The following DUSP18 variants were observed in gnomAD, a reference collection of about 807,000 sequenced individuals.
DUSP18 encodes dual specificity phosphatase 18, also known as dual specificity protein phosphatase 18.
Under a neutral mutation model 6.3 loss-of-function variants are expected in DUSP18, and 4 were observed. That is an observed-to-expected ratio of 0.63 (90% CI 0.31 to 1.45). The LOEUF is 1.45. DUSP18 is among the 40% of genes most tolerant of loss of function. The pLI is 0.07. For synonymous variants in DUSP18, 96 were observed against 95.1 expected (o/e 1.01, Z -0.05); for missense variants, 235 against 247.7 (o/e 0.95, Z 0.34).
intron 2 of DUSP18, among the ~76,000 whole-genome samples, chr22:30,655,441 A>T (rs1355449281): frequency 6.6e-6 from 1 of 151,510 alleles, no homozygotes; most frequent in Admixed American, 6.6e-5. Context: ...AAAAAAAAAA[A>T]AAAAAAAGAA....
intron 2 of DUSP18, chr22:30,654,249 G>C: frequency 2.5e-6 from 1 of 399,830 alleles, no homozygotes. Flanking sequence ...CTCCCAAAGT[G>C]CTAGGATTAC....
intron 2 of DUSP18, chr22:30,653,903 G>C (rs2088276803): frequency 1.2e-5 from 2 of 166,980 alleles, no homozygotes; most frequent in Non-Finnish European, 2.6e-5. Context: ...TGGGTCTTGA[G>C]GACACCCCAG....
At chr22:30,664,103 T>C in intron 1 of DUSP18, 23 bp from the exon 2 acceptor site, 1 of 1,111,492 alleles carries the variant, frequency 9.0e-7, no homozygotes, top group Non-Finnish European at 1.3e-6. Context: ...AGAGGATGTT[T>C]AGAGGGCAGG....
At chr22:30,659,621 C>T (rs557655316), downstream of DUSP18, among the ~76,000 whole-genome samples, 1 of 152,274 alleles carries the variant, frequency 6.6e-6, no homozygotes, top group African/African-American at 2.4e-5. Context: ...ATCCACCAGC[C>T]TCAACCTCCC....
At position 30,667,745 on chromosome 22, in the gene DUSP18, C is replaced by A. The variant is rs536771105; in HGVS notation, c.-361G>T. 6.5e-6 allele frequency: 1 copy of A among 152,994 alleles called. No homozygotes were observed. The highest frequency in any genetic ancestry group is 2.4e-5 in the African/African-American group (1 of 41,576). 9.5% of individuals were successfully genotyped at this position (152,994 alleles called of 1,614,324 possible). A position where few individuals can be genotyped will look rare whatever the true frequency, so the allele number is the denominator to read the frequency against. On this transcript the variant is annotated 5_prime_UTR_variant, in exon 1 of 2. Coordinates refer to ENST00000334679, the MANE Select transcript of DUSP18 (RefSeq NM_152511.5). ...GCCGGGGTCACTGCAGTCCCCGTGG[C>A]GAAGCAGGGTCAGCTCAGCTCACCG...
chr22:30,654,781 G>A, intron 2 of DUSP18: 2 of 215,924 alleles, frequency 9.3e-6, no homozygotes, highest in Non-Finnish European at 1.9e-5. Context: ...AGATAGCTTT[G>A]ACCATTGAGC....
chr22:30,659,944 A>C (rs1162773528), downstream of DUSP18, among the ~76,000 whole-genome samples: 1 of 152,174 alleles, frequency 6.6e-6, no homozygotes, highest in East Asian at 1.9e-4. Context: ...CACACGTAGA[A>C]AGCACCAGAA....
rs910031268 is a variant in DUSP18, at chr22:30,652,412, T to C, written c.*34-115A>G. 8.1e-4 allele frequency: 124 copies of C among 152,288 alleles called. 1 individual carries two copies. Among genetic ancestry groups the C allele is most frequent in the African/African-American group, 2.9e-3 (121 of 41,544 alleles). The allele number at this position is 152,288 out of a possible 1,614,324, so 9.4% of individuals were successfully genotyped here. A position where few individuals can be genotyped will look rare whatever the true frequency, so the allele number is the denominator to read the frequency against. ...TTTCTAATCTTGTGGCTAATGTTAG[T>C]CCTATATAGGCAATCTAGTCCCTAG... On this transcript the variant is annotated intron_variant, in intron 2 of 2. Transcript: ENST00000404885.
chr22:30,656,731 C>A (rs2088345559), downstream of DUSP18, among the ~76,000 whole-genome samples: 1 of 152,212 alleles, frequency 6.6e-6, no homozygotes. Flanking sequence ...CGTGGACCCT[C>A]TCAAAAGCCC....
In DUSP18 at chr22:30,663,511, G is replaced by A. The variant is rs142746950; in HGVS notation, c.493C>T (p.His165Tyr). 8.5e-5 allele frequency: 138 copies of A among 1,614,076 alleles called. No homozygotes were observed. Among genetic ancestry groups the A allele is most frequent in the Non-Finnish European group, 1.2e-4 (136 of 1,180,054 alleles). Residue 165 changes from histidine (H) to tyrosine (Y), a missense_variant, in exon 2 of 2, where the codon CAC (histidine) becomes TAC (tyrosine). Transcript: ENST00000334679. Reference sequence around the variant, plus strand: ...ATTCCCACTGGGGAACTGACCATGTGCACAGTGTTCTTGCCAAACAATTGG... The same window carrying A: ...ATTCCCACTGGGGAACTGACCATGTACACAGTGTTCTTGCCAAACAATTGG... ...EFQLFGKNTV[H>Y]MVSSPVGMIP... is the part of the protein sequence containing the mutation.
At chr22:30,654,289 A>C (rs917902489) in intron 2 of DUSP18, 12 of 452,580 alleles carry the variant, frequency 2.7e-5, no homozygotes, top group Non-Finnish European at 4.8e-5. Context: ...CGGCCATCCC[A>C]TGAGCTGTTT....
chr22:30,654,063 T>C (rs1343543107), intron 2 of DUSP18: 4 of 170,968 alleles, frequency 2.3e-5, no homozygotes, highest in Non-Finnish European at 4.9e-5. Flanking sequence ...CACTGCAAGC[T>C]CCGCCCCACG....
chr22:30,661,123 G>T (rs967082149), downstream of DUSP18, among the ~76,000 whole-genome samples: 10 of 152,076 alleles, frequency 6.6e-5, no homozygotes, highest in South Asian at 2.1e-4. Flanking sequence ...TTACAGGCAT[G>T]AGCCACCACG....
chr22:30,654,539 C>T (rs1158348037), intron 2 of DUSP18: 9 of 437,116 alleles, frequency 2.1e-5, no homozygotes, highest in East Asian at 1.4e-4. Context: ...TCCTTGGTCT[C>T]GCGGGGCAGC....
In DUSP18 at chr22:30,666,804, T is replaced by C. The variant is rs560401308; in HGVS notation, c.-78+658A>G. The C allele has an allele frequency of 4.6e-5, 7 of 152,206 alleles. No homozygotes were observed. In the East Asian group the frequency reaches 1.4e-3, roughly 29 times the overall value. 9.4% of individuals were successfully genotyped at this position (152,206 alleles called of 1,614,324 possible). A position where few individuals can be genotyped will look rare whatever the true frequency, so the allele number is the denominator to read the frequency against. On this transcript the variant is annotated intron_variant, in intron 1 of 1. Coordinates refer to ENST00000334679, the MANE Select transcript of DUSP18 (RefSeq NM_152511.5). The stretch of plus-strand genomic sequence containing the variant: ...AGCTTGAAAATAGGATAACAGTACC[T>C]ACCTTAAAAGGATGTTGTGAAATTA...
chr22:30,657,184 C>T (rs1388554890), downstream of DUSP18, among the ~76,000 whole-genome samples: 2 of 152,078 alleles, frequency 1.3e-5, no homozygotes, highest in Admixed American at 6.6e-5. Flanking sequence ...CCTGTAATCC[C>T]AGCACTTTGG....
downstream of DUSP18, chr22:30,661,444 C>CTTTTTTTTTT (rs56242112): frequency 1.0e-4 from 14 of 136,472 alleles, no homozygotes; most frequent in East Asian, 2.1e-4. Flanking sequence ...TTTTCTTTTT[C>CTTTTTTTTTT]TTTTTTTTTT....
downstream of DUSP18, among the ~76,000 whole-genome samples, chr22:30,658,916 G>A (rs950620778): frequency 4.5e-4 from 69 of 151,986 alleles, no homozygotes; most frequent in Non-Finnish European, 8.2e-4. Context: ...AGGCTGAGGC[G>A]GGTGGATCAC....
At chr22:30,666,407 G>C (rs1367194984) in intron 1 of DUSP18, among the ~76,000 whole-genome samples, 2 of 152,072 alleles carry the variant, frequency 1.3e-5, no homozygotes, top group Non-Finnish European at 2.9e-5. Context: ...GATCACCTGA[G>C]GTCAGGAGTT....
Sources: gnomAD v4.1 joint callset for allele counts (sites outside exome capture counted in the v4.1 genomes callset) on GRCh38, gnomAD v4.1.1 for gene constraint, MANE v1.5 for transcripts, NCBI Gene and HGNC (gene_info 2026-07-23, HGNC 2026-07-21) for gene names.